Variants in TMEM117 observed in about 807,000 individuals in gnomAD.
TMEM117 encodes transmembrane protein 117.
Under a neutral mutation model 52.4 loss-of-function variants are expected in TMEM117, and 27 were observed. The ratio of observed to expected loss-of-function variants is 0.51; its 90% CI spans 0.38 to 0.71. The LOEUF (loss-of-function observed/expected upper bound fraction) is 0.71, where lower values mean the gene tolerates loss of function less well. TMEM117 is among the 30% of genes least tolerant of loss of function. The pLI is 0.00. For synonymous variants in TMEM117, 215 were observed against 206.3 expected (o/e 1.04, Z -0.36); for missense variants, 556 against 630.5 (o/e 0.88, Z 1.26).
intron 5 of TMEM117, among the ~76,000 whole-genome samples, chr12:44,270,808 A>G (rs758582372): frequency 2.0e-5 from 3 of 152,030 alleles, no homozygotes; most frequent in Non-Finnish European, 4.4e-5. Flanking sequence ...AATTGTACTG[A>G]GGGTTTTTAA....
At chr12:44,312,156 A>G (rs1480026726) in intron 6 of TMEM117, among the ~76,000 whole-genome samples, 1 of 151,910 alleles carries the variant, frequency 6.6e-6, no homozygotes, top group Non-Finnish European at 1.5e-5. Context: ...CCTATGAATG[A>G]TCATAGGATG....
At chr12:43,929,774 G>A (rs945856701) in intron 2 of TMEM117, among the ~76,000 whole-genome samples, 2 of 151,712 alleles carry the variant, frequency 1.3e-5, no homozygotes, top group Non-Finnish European at 2.9e-5. Context: ...TCTATCCATT[G>A]GTTATTTCTT....
At chr12:44,186,361 G>T (rs990635541) in intron 4 of TMEM117, among the ~76,000 whole-genome samples, 7 of 152,148 alleles carry the variant, frequency 4.6e-5, no homozygotes, top group African/African-American at 1.7e-4. Context: ...AGCAAGACTG[G>T]TCTAGGGAGG....
chr12:44,189,245 A>G (rs1170990149), intron 4 of TMEM117, among the ~76,000 whole-genome samples: 7 of 152,172 alleles, frequency 4.6e-5, no homozygotes, highest in Admixed American at 4.6e-4. Flanking sequence ...GCCATCATTC[A>G]GAATAGACTT....
At position 43,937,648 on chromosome 12, in the gene TMEM117, G is replaced by A. The variant is rs1377435011; in HGVS notation, c.278-6562G>A. The stretch of plus-strand genomic sequence containing the variant: ...GGAGAGCAGCTTAAAGAACTGAACG[G>A]CTCAGAGGGCAACTATAATAGGACC... On this transcript the variant is annotated intron_variant, in intron 2 of 7. Transcript: ENST00000266534. Among the ~76,000 whole-genome samples the A allele has an allele frequency of 5.9e-5, 9 of 152,248 alleles. No individual in the cohort carries two copies. In the South Asian group the frequency reaches 1.9e-3, roughly 32 times the overall value.
At chr12:44,078,534 A>G (rs1947419721) in intron 3 of TMEM117, among the ~76,000 whole-genome samples, 1 of 152,216 alleles carries the variant, frequency 6.6e-6, no homozygotes, top group South Asian at 2.1e-4. Flanking sequence ...GCACGATTGG[A>G]TGAACCACAG....
intron 5 of TMEM117, among the ~76,000 whole-genome samples, chr12:44,234,144 T>C (rs75045930): frequency 0.024 from 3,710 of 151,528 alleles, 70 homozygotes; most frequent in Non-Finnish European, 0.039. Flanking sequence ...TATACTCTTT[T>C]CCTTCTCAGG....
At chr12:43,877,926 CACAG>C (rs1172019526) in intron 2 of TMEM117, among the ~76,000 whole-genome samples, 4 of 138,314 alleles carry the variant, frequency 2.9e-5, no homozygotes, top group Non-Finnish European at 6.7e-5. Context: ...CACACACACA[CACAG>C]ACAGAATAAT....
At chr12:44,139,228 C>T (rs1014963698) in intron 3 of TMEM117, among the ~76,000 whole-genome samples, 2 of 152,104 alleles carry the variant, frequency 1.3e-5, no homozygotes, top group Non-Finnish European at 2.9e-5. Flanking sequence ...AAAATTCAGA[C>T]TCAACCACTA....
At chr12:44,248,311 T>C (rs1050688011) in intron 5 of TMEM117, 2 of 152,350 alleles carry the variant, frequency 1.3e-5, no homozygotes, top group Non-Finnish European at 2.9e-5. Flanking sequence ...AGTTGGCTAA[T>C]TGACCGATCT....
chr12:44,040,248 T>C (rs1946775788), intron 3 of TMEM117, among the ~76,000 whole-genome samples: 1 of 152,004 alleles, frequency 6.6e-6, no homozygotes, highest in Non-Finnish European at 1.5e-5. Context: ...TAATAATAAT[T>C]ATTAGTAATT....
At chr12:43,822,660 C>G in the TMEM117 span, among the ~76,000 whole-genome samples, 4 of 151,820 alleles carry the variant, frequency 2.6e-5, no homozygotes, top group African/African-American at 9.7e-5. Flanking sequence ...ATCAGATGAG[C>G]AGGGATGATG....
chr12:43,867,390 T>A (rs1040033683), intron 2 of TMEM117, among the ~76,000 whole-genome samples: 2 of 152,114 alleles, frequency 1.3e-5, no homozygotes, highest in Non-Finnish European at 2.9e-5. Flanking sequence ...TAAAATAATA[T>A]TATGCCAAAA....
At chr12:44,337,834 A>G (rs1467564235) in intron 6 of TMEM117, among the ~76,000 whole-genome samples, 1 of 152,060 alleles carries the variant, frequency 6.6e-6, no homozygotes, top group African/African-American at 2.4e-5. Flanking sequence ...TATTTGGGGG[A>G]AAATGTATAA....
intron 3 of TMEM117, 21 bp from the exon 4 acceptor site, chr12:44,143,504 C>T: frequency 1.3e-6 from 2 of 1,583,350 alleles, no homozygotes; most frequent in Non-Finnish European, 1.7e-6. Flanking sequence ...CGGACAATGT[C>T]TTGTGTGTTT....
intron 6 of TMEM117, among the ~76,000 whole-genome samples, chr12:44,336,697 A>T (rs981145650): frequency 1.6e-4 from 24 of 152,032 alleles, no homozygotes; most frequent in Admixed American, 1.4e-3. Flanking sequence ...CCTGTTTTAA[A>T]AAAAACCATA....
chr12:44,086,997 A>C (rs537977890), intron 3 of TMEM117, among the ~76,000 whole-genome samples: 2 of 147,762 alleles, frequency 1.4e-5, no homozygotes, highest in African/African-American at 2.4e-5. Flanking sequence ...ATTAATAATT[A>C]TAAATTATGT....
chr12:44,155,262 T>C (rs1265270173), intron 4 of TMEM117, among the ~76,000 whole-genome samples: 1 of 152,102 alleles, frequency 6.6e-6, no homozygotes, highest in African/African-American at 2.4e-5. Flanking sequence ...TTAACAAATA[T>C]ATACGAAACA....
chr12:44,323,787 G>A (rs887657938), intron 6 of TMEM117, among the ~76,000 whole-genome samples: 11 of 151,994 alleles, frequency 7.2e-5, no homozygotes, highest in Non-Finnish European at 7.4e-5. Context: ...CCACTTTGTG[G>A]TACTGCATTA....
Sources: gnomAD v4.1 joint callset for allele counts (sites outside exome capture counted in the v4.1 genomes callset) on GRCh38, gnomAD v4.1.1 for gene constraint, MANE v1.5 for transcripts, NCBI Gene and HGNC (gene_info 2026-07-23, HGNC 2026-07-21) for gene names.